MSRB3: variants seen among roughly 807,000 people sequenced by gnomAD.
The protein encoded by MSRB3 is methionine-R-sulfoxide reductase B3.
Under a neutral mutation model 21.0 loss-of-function variants are expected in MSRB3, and 13 were observed. That is an observed-to-expected ratio of 0.62 (90% CI 0.40 to 0.98). MSRB3 has a LOEUF of 0.98. Among genes scored for constraint, MSRB3 ranks in the 50% least tolerant of loss-of-function variants. MSRB3 has a pLI of 0.00. For synonymous variants in MSRB3, 87 were observed against 88.6 expected, an observed-to-expected ratio of 0.98 and a Z score of 0.10; for missense variants, 199 against 230.3, an observed-to-expected ratio of 0.86 and a Z score of 0.88.
intron 5 of MSRB3, among the ~76,000 whole-genome samples, chr12:65,381,771 A>C (rs1028253816): frequency 1.3e-5 from 2 of 152,046 alleles, no homozygotes; most frequent in Admixed American, 1.3e-4. Flanking sequence ...AATGATTGCT[A>C]GTCTTAGTGA....
intron 5 of MSRB3, among the ~76,000 whole-genome samples, chr12:65,397,961 G>A (rs1423471366): frequency 6.6e-6 from 1 of 152,156 alleles, no homozygotes; most frequent in African/African-American, 2.4e-5. Context: ...TGGCTACATA[G>A]TATTCCATGA....
chr12:65,309,443 C>T (rs1024563968), intron 2 of MSRB3, among the ~76,000 whole-genome samples: 8 of 152,154 alleles, frequency 5.3e-5, no homozygotes, highest in African/African-American at 1.7e-4. Context: ...GTTAACTATG[C>T]ATGCCAGGCA....
chr12:65,408,247 A>G (rs929222722), intron 5 of MSRB3, among the ~76,000 whole-genome samples: 1 of 152,112 alleles, frequency 6.6e-6, no homozygotes, highest in Non-Finnish European at 1.5e-5. Flanking sequence ...GATGCCTGCC[A>G]CTATGCCCAG....
At chr12:65,318,185 T>G (rs1365076606) in intron 2 of MSRB3, among the ~76,000 whole-genome samples, 1 of 152,206 alleles carries the variant, frequency 6.6e-6, no homozygotes, top group African/African-American at 2.4e-5. Flanking sequence ...ACTTGTTTTC[T>G]ATGCCTTTTG....
chr12:65,384,570 C>T (rs950874062), intron 5 of MSRB3, among the ~76,000 whole-genome samples: 3 of 152,072 alleles, frequency 2.0e-5, no homozygotes, highest in Admixed American at 6.6e-5. Context: ...TCTTAAGTTT[C>T]TACCCTAAAA....
At chr12:65,431,585 T>C (rs1565889246) in intron 5 of MSRB3, among the ~76,000 whole-genome samples, 1 of 152,074 alleles carries the variant, frequency 6.6e-6, no homozygotes, top group African/African-American at 2.4e-5. Flanking sequence ...CTTTTACTTT[T>C]TTCTTCTTCT....
chr12:65,410,239 T>C (rs915928982), intron 5 of MSRB3, among the ~76,000 whole-genome samples: 8 of 152,208 alleles, frequency 5.3e-5, no homozygotes, highest in Non-Finnish European at 1.2e-4. Context: ...GGATATTAGA[T>C]CATCTTATTT....
chr12:65,420,515 G>A (rs1881235495), intron 5 of MSRB3, among the ~76,000 whole-genome samples: 1 of 151,872 alleles, frequency 6.6e-6, no homozygotes, highest in South Asian at 2.1e-4. Context: ...ACACTTGAAG[G>A]TTTGTTATAT....
chr12:65,293,234 A>G, intron 1 of MSRB3, among the ~76,000 whole-genome samples: 1 of 152,148 alleles, frequency 6.6e-6, no homozygotes, highest in East Asian at 1.9e-4. Context: ...GATTTCTGCA[A>G]TGGCTTCCTA....
At position 65,335,626 on chromosome 12, in the gene MSRB3, C is replaced by T. The variant is rs144550374; in HGVS notation, c.263+7023C>T. On this transcript the variant is annotated intron_variant, in intron 4 of 6. Transcript: ENST00000308259. Reference sequence around the variant, plus strand: ...GATGCAATTTTGTGTGTGTGTGTGGCGGGGGAGGATGTAAGAGCACAGTGA... The same window carrying T: ...GATGCAATTTTGTGTGTGTGTGTGGTGGGGGAGGATGTAAGAGCACAGTGA... 9.2e-5 allele frequency among the ~76,000 whole-genome samples: 14 copies of T among 152,106 alleles called. No individual in the cohort carries two copies. The East Asian group carries it at 1.4e-3, about 15-fold the overall frequency.
rs1878993376 is a variant in MSRB3, at chr12:65,382,550, T to C, written c.292+13524T>C. On this transcript the variant is annotated intron_variant, in intron 5 of 6. Coordinates refer to ENST00000308259, the MANE Select transcript of MSRB3 (RefSeq NM_001031679.3). ...CTTGTATTTTGTGGCTTGTTTGATA[T>C]CACTTTTTATCTACATATTTGCTTT... 2.0e-5 allele frequency among the ~76,000 whole-genome samples: 3 copies of C among 152,130 alleles called. No homozygotes were observed. In the South Asian group the frequency reaches 6.2e-4, roughly 32 times the overall value.
intron 4 of MSRB3, among the ~76,000 whole-genome samples, chr12:65,355,208 G>A (rs1383974624): frequency 2.0e-5 from 3 of 151,838 alleles, no homozygotes; most frequent in African/African-American, 4.8e-5. Context: ...TATGAGATTA[G>A]TTTTCAGTAT....
At chr12:65,316,910 T>A (rs1309749927) in intron 2 of MSRB3, among the ~76,000 whole-genome samples, 1 of 151,894 alleles carries the variant, frequency 6.6e-6, no homozygotes, top group Non-Finnish European at 1.5e-5. Context: ...AATGTGTAGA[T>A]GTAATTAGTG....
At chr12:65,314,139 T>C (rs1443909959) in intron 2 of MSRB3, among the ~76,000 whole-genome samples, 2 of 152,160 alleles carry the variant, frequency 1.3e-5, no homozygotes, top group Non-Finnish European at 2.9e-5. Flanking sequence ...CTCATTGAAA[T>C]TGTCTTTCAT....
At chr12:65,366,916 G>A (rs576468148) in intron 4 of MSRB3, among the ~76,000 whole-genome samples, 1 of 152,140 alleles carries the variant, frequency 6.6e-6, no homozygotes, top group Non-Finnish European at 1.5e-5. Flanking sequence ...TGGGAACAGT[G>A]TTTCAGGTGG....
chr12:65,337,430 C>CA lies in MSRB3; in HGVS notation c.263+8854dup, dbSNP rs780302211. Among the ~76,000 whole-genome samples, 83 of 43,580 alleles carry CA rather than the reference C, an allele frequency of 1.9e-3. 2 individuals are homozygous for CA. The highest frequency in any genetic ancestry group is 4.9e-3 in the African/African-American group (58 of 11,886). 28.6% of individuals were successfully genotyped at this position (43,580 alleles called of 152,430 possible). ...GCCTGGTGACAGAGTGAGACTACATCAAAAAAAAAAAAAAAAAAAAAAAAA... is the reference window on the plus strand; with the variant it reads ...GCCTGGTGACAGAGTGAGACTACATCAAAAAAAAAAAAAAAAAAAAAAAAAA... On this transcript the variant is annotated intron_variant, in intron 4 of 6. Transcript: ENST00000308259.
intron 1 of MSRB3, among the ~76,000 whole-genome samples, chr12:65,307,458 T>C (rs1873724286): frequency 6.6e-6 from 1 of 152,146 alleles, no homozygotes; most frequent in Admixed American, 6.6e-5. Context: ...CAGACTTTTT[T>C]TGGGGCGGGA....
intron 5 of MSRB3, among the ~76,000 whole-genome samples, chr12:65,396,816 A>G (rs781272591): frequency 5.7e-4 from 86 of 152,146 alleles, no homozygotes; most frequent in Non-Finnish European, 8.1e-4. Context: ...ATTTCATCTT[A>G]AGAAGACTGT....
intron 5 of MSRB3, among the ~76,000 whole-genome samples, chr12:65,404,843 AG>A (rs1880323164): frequency 6.6e-6 from 1 of 152,224 alleles, no homozygotes; most frequent in Non-Finnish European, 1.5e-5. Flanking sequence ...GTTGCACAAT[AG>A]AGCTCTAGAA....
Sources: allele counts gnomAD v4.1 joint callset (sites outside exome capture counted in the v4.1 genomes callset), GRCh38; gene constraint gnomAD v4.1.1; transcripts MANE v1.5; gene names NCBI Gene and HGNC (gene_info 2026-07-23, HGNC 2026-07-21).